ADCY2: variants seen among roughly 807,000 people sequenced by gnomAD.
The protein encoded by ADCY2 is adenylate cyclase 2, also known as adenylate cyclase type 2.
ADCY2 carries 31 observed loss-of-function variants against 125.2 expected under a neutral mutation model. That is an observed-to-expected ratio of 0.25 (90% CI 0.19 to 0.33). ADCY2 has a LOEUF of 0.33. ADCY2 is among the 10% of genes least tolerant of loss of function. The probability of loss-of-function intolerance (pLI) is 1.00; values close to 1 mark genes in which losing one functional copy is unlikely to be tolerated. For missense variants in ADCY2, 904 were observed against 1,418.2 expected (o/e 0.64, Z 5.82); for synonymous variants, 512 against 548.4 (o/e 0.93, Z 0.93).
intron 2 of ADCY2, among the ~76,000 whole-genome samples, chr5:7,463,218 C>G (rs1296177970): frequency 1.3e-5 from 2 of 152,158 alleles, no homozygotes; most frequent in African/African-American, 4.8e-5. Flanking sequence ...TTCCCCACAT[C>G]AAAGGACTGC....
chr5:7,804,164 C>A (rs1744689482), intron 21 of ADCY2, among the ~76,000 whole-genome samples: 1 of 151,788 alleles, frequency 6.6e-6, no homozygotes, highest in Non-Finnish European at 1.5e-5. Context: ...ACTCAGAGGG[C>A]AAAAGCCAGT....
At chr5:7,544,366 T>C (rs936938210) in intron 3 of ADCY2, among the ~76,000 whole-genome samples, 1 of 152,234 alleles carries the variant, frequency 6.6e-6, no homozygotes, top group African/African-American at 2.4e-5. Context: ...GGCTGGTTCC[T>C]TCTGGAGACT....
chr5:7,454,047 G>A (rs929429428), intron 2 of ADCY2, among the ~76,000 whole-genome samples: 1 of 152,092 alleles, frequency 6.6e-6, no homozygotes, highest in Non-Finnish European at 1.5e-5. Flanking sequence ...TATTATTTTA[G>A]CGAGACAGTT....
At chr5:7,654,761 G>A (rs1301515089) in intron 4 of ADCY2, among the ~76,000 whole-genome samples, 2 of 152,150 alleles carry the variant, frequency 1.3e-5, no homozygotes, top group African/African-American at 4.8e-5. Flanking sequence ...AAACATTGCT[G>A]CCACTGAAAA....
intron 3 of ADCY2, among the ~76,000 whole-genome samples, chr5:7,549,596 T>C (rs538607505): frequency 2.0e-5 from 3 of 152,368 alleles, no homozygotes; most frequent in African/African-American, 7.2e-5. Context: ...TGATCTTGGC[T>C]TCACCACCAC....
intron 3 of ADCY2, among the ~76,000 whole-genome samples, chr5:7,617,177 G>A (rs894670804): frequency 7.2e-5 from 11 of 152,116 alleles, no homozygotes; most frequent in Admixed American, 2.6e-4. Context: ...AGAGGCTGCC[G>A]TGTTCAAGGC....
chr5:7,814,106 C>A (rs1314955060), intron 22 of ADCY2, among the ~76,000 whole-genome samples: 1 of 152,122 alleles, frequency 6.6e-6, no homozygotes, highest in Non-Finnish European at 1.5e-5. Flanking sequence ...CCAAAGTTAG[C>A]TGACGGTCAA....
intron 2 of ADCY2, among the ~76,000 whole-genome samples, chr5:7,445,763 C>A (rs184470330): frequency 2.5e-3 from 378 of 152,258 alleles, no homozygotes; most frequent in African/African-American, 8.7e-3. Flanking sequence ...AAGATATTTT[C>A]TAGCACTGTG....
At chr5:7,546,390 C>A (rs1735148440) in intron 3 of ADCY2, among the ~76,000 whole-genome samples, 1 of 152,300 alleles carries the variant, frequency 6.6e-6, no homozygotes, top group East Asian at 1.9e-4. Flanking sequence ...ACGTTCTGTT[C>A]TGTTAAATCC....
At chr5:7,714,281 T>C (rs1741528827) in intron 11 of ADCY2, among the ~76,000 whole-genome samples, 2 of 152,226 alleles carry the variant, frequency 1.3e-5, no homozygotes, top group African/African-American at 4.8e-5. Flanking sequence ...TTTCACTTTA[T>C]ATTCATAGTC....
chr5:7,558,593 G>A (rs34658607), intron 3 of ADCY2, among the ~76,000 whole-genome samples: 45,478 of 151,862 alleles, frequency 0.3, 7,944 homozygotes, highest in Non-Finnish European at 0.4. Context: ...TTAGACCTCT[G>A]TTGGATGCGT....
chr5:7,726,068 C>G (rs1418441978), intron 13 of ADCY2, among the ~76,000 whole-genome samples: 1 of 152,160 alleles, frequency 6.6e-6, no homozygotes, highest in Admixed American at 6.5e-5. Context: ...CTCAGAGATC[C>G]CTCATGCAGC....
Position 7,828,313 on chromosome 5 carries a change from A to G in ADCY2, c.*1442A>G, listed in dbSNP as rs1745548993. ...ATTCGTGGGAACTCGAACTTGAAGC[A>G]CAAGTTCCTGGTTTGAATCCTGGCT... On this transcript the variant is annotated 3_prime_UTR_variant, in exon 25 of 25. Coordinates refer to ENST00000338316, the MANE Select transcript of ADCY2 (RefSeq NM_020546.3). 1 of 152,616 alleles carries G rather than the reference A, an allele frequency of 6.6e-6. No homozygotes were observed. Among genetic ancestry groups the G allele is most frequent in the Non-Finnish European group, 1.5e-5 (1 of 68,052 alleles). 9.5% of individuals were successfully genotyped at this position (152,616 alleles called of 1,614,324 possible).
chr5:7,480,952 C>T (rs1742706796), intron 2 of ADCY2, among the ~76,000 whole-genome samples: 1 of 152,120 alleles, frequency 6.6e-6, no homozygotes, highest in Admixed American at 6.5e-5. Flanking sequence ...CATGGGAATG[C>T]AGATATCTCT....
chr5:7,655,066 G>A (rs1447786029), intron 4 of ADCY2, among the ~76,000 whole-genome samples: 1 of 152,134 alleles, frequency 6.6e-6, no homozygotes, highest in Non-Finnish European at 1.5e-5. Flanking sequence ...TGAGTTTGGG[G>A]TGGATGGCTC....
At chr5:7,399,913 T>G (rs1739200136) in intron 1 of ADCY2, among the ~76,000 whole-genome samples, 1 of 152,224 alleles carries the variant, frequency 6.6e-6, no homozygotes, top group Admixed American at 6.5e-5. Flanking sequence ...TCATGTCACT[T>G]GGTTTTTAAT....
At chr5:7,815,387 C>A (rs1337576312) in intron 22 of ADCY2, among the ~76,000 whole-genome samples, 4 of 152,140 alleles carry the variant, frequency 2.6e-5, no homozygotes, top group Non-Finnish European at 4.4e-5. Flanking sequence ...GCCCGGCAGG[C>A]CTGGGACCGC....
At chr5:7,697,278 TTCC>T (rs1437844656) in intron 6 of ADCY2, among the ~76,000 whole-genome samples, 2 of 152,194 alleles carry the variant, frequency 1.3e-5, no homozygotes, top group East Asian at 3.9e-4. Flanking sequence ...TCAACGTGAC[TTCC>T]TCTAATCAGT....
intron 3 of ADCY2, among the ~76,000 whole-genome samples, chr5:7,574,598 A>G (rs1317337930): frequency 6.6e-6 from 1 of 152,214 alleles, no homozygotes; most frequent in Non-Finnish European, 1.5e-5. Context: ...TCCTTAGGCA[A>G]AGTGGCAAAG....
Sources: gnomAD v4.1 joint callset for allele counts (sites outside exome capture counted in the v4.1 genomes callset) on GRCh38, gnomAD v4.1.1 for gene constraint, MANE v1.5 for transcripts, NCBI Gene and HGNC (gene_info 2026-07-23, HGNC 2026-07-21) for gene names.